The following SUPT3H variants were observed in gnomAD, a reference collection of about 807,000 sequenced individuals.
SUPT3H encodes the protein SPT3 homolog, SAGA and STAGA complex component, also known as transcription initiation protein SPT3 homolog.
SUPT3H carries 44 observed loss-of-function variants against 44.3 expected under a neutral mutation model. That is an observed-to-expected ratio of 0.99 (90% CI 0.78 to 1.28). The LOEUF (loss-of-function observed/expected upper bound fraction) is 1.28. Ranked by LOEUF, SUPT3H falls within the 50% of genes most tolerant of loss-of-function variation. The pLI, the probability that SUPT3H is intolerant of heterozygous loss-of-function variation, is 0.00. For synonymous variants in SUPT3H, 124 were observed against 125.6 expected, an observed-to-expected ratio of 0.99 and a Z score of 0.09; for missense variants, 380 against 387.1, an observed-to-expected ratio of 0.98 and a Z score of 0.15.
chr6:45,038,798 T>C (rs748745127), intron 3 of SUPT3H, among the ~76,000 whole-genome samples: 9 of 152,198 alleles, frequency 5.9e-5, no homozygotes, highest in Non-Finnish European at 1.2e-4. Flanking sequence ...AGGTGTATTA[T>C]ACCTTGGTAT....
intron 2 of SUPT3H, among the ~76,000 whole-genome samples, chr6:45,203,511 C>G (rs1485554913): frequency 1.3e-5 from 2 of 152,200 alleles, no homozygotes; most frequent in Non-Finnish European, 2.9e-5. Context: ...AATTTCACTT[C>G]TCCCTCACTT....
At chr6:45,329,555 C>T (rs996973768) in intron 2 of SUPT3H, among the ~76,000 whole-genome samples, 6 of 151,872 alleles carry the variant, frequency 4.0e-5, no homozygotes, top group Non-Finnish European at 2.9e-5. Flanking sequence ...GTTATAAACA[C>T]ACTGAAACAC....
chr6:45,325,482 CT>C (rs911769683), intron 2 of SUPT3H, among the ~76,000 whole-genome samples: 76 of 151,918 alleles, frequency 5.0e-4, no homozygotes, highest in Non-Finnish European at 8.8e-4. Context: ...ATACCAACAA[CT>C]TTTTTTCTTT....
chr6:45,320,535 T>A (rs1157929640), intron 2 of SUPT3H, among the ~76,000 whole-genome samples: 1 of 151,890 alleles, frequency 6.6e-6, no homozygotes, highest in Non-Finnish European at 1.5e-5. Context: ...CACCTCAGCC[T>A]CCCAAAATGC....
Position 45,238,614 on chromosome 6 carries a change from A to G in SUPT3H, c.101+126587T>C, listed in dbSNP as rs569335803. Among the ~76,000 whole-genome samples the G allele has an allele frequency of 2.6e-5, 4 of 152,322 alleles. No homozygotes were observed. The South Asian group carries it at 8.3e-4, about 32-fold the overall frequency. Reference sequence around the variant, plus strand: ...GATTTGCTAATTTTTCCGACTCAGCATTCACCTACTGTTGTTATTTTGTTA... The same window carrying G: ...GATTTGCTAATTTTTCCGACTCAGCGTTCACCTACTGTTGTTATTTTGTTA... On this transcript the variant is annotated intron_variant, in intron 2 of 10. Coordinates refer to ENST00000371459, the MANE Select transcript of SUPT3H (RefSeq NM_003599.4).
At chr6:44,983,328 G>T (rs1183860972) in intron 6 of SUPT3H, among the ~76,000 whole-genome samples, 1 of 152,050 alleles carries the variant, frequency 6.6e-6, no homozygotes, top group African/African-American at 2.4e-5. Flanking sequence ...AGGAGATAAA[G>T]TGAGCCTTCA....
intron 2 of SUPT3H, among the ~76,000 whole-genome samples, chr6:45,317,130 G>A (rs1784813225): frequency 6.7e-6 from 1 of 148,530 alleles, no homozygotes; most frequent in South Asian, 2.1e-4. Flanking sequence ...AGGAGGCTGA[G>A]GTGGAAGGAT....
intron 2 of SUPT3H, among the ~76,000 whole-genome samples, chr6:45,241,743 A>G (rs1042738103): frequency 2.0e-5 from 3 of 152,182 alleles, no homozygotes; most frequent in Non-Finnish European, 4.4e-5. Context: ...TGTGGCCAAG[A>G]AAGTACATGA....
chr6:45,255,057 A>G (rs1773111348), intron 2 of SUPT3H, among the ~76,000 whole-genome samples: 1 of 152,214 alleles, frequency 6.6e-6, no homozygotes, highest in African/African-American at 2.4e-5. Flanking sequence ...CCAAAGCATA[A>G]GAGTAGTGAT....
At chr6:45,192,035 T>C (rs186528861) in intron 2 of SUPT3H, among the ~76,000 whole-genome samples, 1 of 152,248 alleles carries the variant, frequency 6.6e-6, no homozygotes, top group East Asian at 1.9e-4. Flanking sequence ...AACTGCTATG[T>C]CGAAAAGGGC....
At chr6:45,348,982 A>G (rs1791488723) in intron 2 of SUPT3H, among the ~76,000 whole-genome samples, 1 of 152,162 alleles carries the variant, frequency 6.6e-6, no homozygotes, top group Non-Finnish European at 1.5e-5. Flanking sequence ...ATGGCACACC[A>G]CATGTACTTA....
chr6:45,122,750 C>T (rs145098387), intron 2 of SUPT3H, among the ~76,000 whole-genome samples: 8 of 152,026 alleles, frequency 5.3e-5, no homozygotes, highest in South Asian at 2.1e-4. Flanking sequence ...TCAAATTAAA[C>T]GAGAGGCACT....
chr6:44,988,261 A>G (rs1410155980), intron 6 of SUPT3H, among the ~76,000 whole-genome samples: 1 of 151,982 alleles, frequency 6.6e-6, no homozygotes, highest in Non-Finnish European at 1.5e-5. Context: ...AAATCTTCCT[A>G]ACCTGTCCAC....
chr6:45,206,181 T>C (rs1308695114), intron 2 of SUPT3H, among the ~76,000 whole-genome samples: 2 of 152,076 alleles, frequency 1.3e-5, no homozygotes, highest in Non-Finnish European at 2.9e-5. Context: ...AGAACATGTG[T>C]TAGTAAGGAA....
chr6:45,364,476 C>T (rs1263528394), intron 2 of SUPT3H, among the ~76,000 whole-genome samples: 1 of 152,244 alleles, frequency 6.6e-6, no homozygotes, highest in East Asian at 1.9e-4. Context: ...AAAAGAAGAG[C>T]ACTATAATAT....
At chr6:45,203,344 T>C (rs193086537) in intron 2 of SUPT3H, among the ~76,000 whole-genome samples, 5 of 152,322 alleles carry the variant, frequency 3.3e-5, no homozygotes, top group African/African-American at 1.2e-4. Context: ...CCCTACACTC[T>C]GTACCTAAAT....
intron 3 of SUPT3H, among the ~76,000 whole-genome samples, chr6:45,053,740 C>CAAAAAAAA (rs57736879): frequency 0.024 from 1,394 of 59,154 alleles, no homozygotes; most frequent in African/African-American, 0.028. Flanking sequence ...ACTAAAAATA[C>CAAAAAAAA]AAAAAAAAAA....
At chr6:44,945,780 T>C (rs115185665) in intron 9 of SUPT3H, among the ~76,000 whole-genome samples, 2,756 of 152,318 alleles carry the variant, frequency 0.018, 39 homozygotes, top group Non-Finnish European at 0.027. Context: ...CGAATGATGA[T>C]GTAGAAGCTG....
At chr6:45,355,678 C>A (rs1344551614) in intron 2 of SUPT3H, among the ~76,000 whole-genome samples, 2 of 151,962 alleles carry the variant, frequency 1.3e-5, no homozygotes, top group African/African-American at 4.8e-5. Context: ...TAAAAATAAA[C>A]ATTAACTATG....
Sources: allele counts gnomAD v4.1 joint callset (sites outside exome capture counted in the v4.1 genomes callset), GRCh38; gene constraint gnomAD v4.1.1; transcripts MANE v1.5; gene names NCBI Gene and HGNC (gene_info 2026-07-23, HGNC 2026-07-21).